The following HLA-F variants were observed in gnomAD, a reference collection of about 807,000 sequenced individuals.
HLA-F encodes the protein major histocompatibility complex, class I, F.
HLA-F carries 46 observed loss-of-function variants against 49.5 expected under a neutral mutation model. The observed-to-expected ratio is 0.93, with a 90% CI of 0.73 to 1.19. HLA-F has a LOEUF of 1.19. HLA-F is among the 50% of genes most tolerant of loss of function. HLA-F has a pLI of 0.00. For synonymous variants in HLA-F, 203 were observed against 233.5 expected, an observed-to-expected ratio of 0.87 and a Z score of 1.19; for missense variants, 496 against 579.6, an observed-to-expected ratio of 0.86 and a Z score of 1.48.
chr6:29,723,565 G>A (rs1021267082), intron 1 of HLA-F, 38 bp downstream of exon 1: 1 of 1,601,466 alleles, frequency 6.2e-7, no homozygotes, highest in Non-Finnish European at 8.5e-7. Context: ...CCTCTGTGGG[G>A]AGGAGTGAGG....
In HLA-F at chr6:29,725,185, G is replaced by A. The variant is rs1300318584; in HGVS notation, c.765G>A (p.Arg255=). 2 of 1,613,994 alleles carry A rather than the reference G, an allele frequency of 1.2e-6. No homozygotes were observed. Among genetic ancestry groups the A allele is most frequent in the Non-Finnish European group, 8.5e-7 (1 of 1,180,044 alleles). The change falls in exon 4 of 7, where the codon AGG becomes AGA. Residue 255 remains arginine (R), a synonymous_variant. Coordinates refer to ENST00000259951, the MANE Select transcript of HLA-F (RefSeq NM_001098479.2). ...QTQDTELVET[R]PAGDGTFQKW... is the part of the protein sequence containing the mutation. ...AGGACACAGAGCTTGTGGAGACCAG[G>A]CCTGCAGGGGATGGAACCTTCCAGA...
chr6:29,723,535 C>T lies in HLA-F; in HGVS notation c.64+8C>T, dbSNP rs775117343. 5 of 1,610,620 alleles carry T rather than the reference C, an allele frequency of 3.1e-6. No homozygotes were observed. The highest frequency in any genetic ancestry group is 3.4e-6 in the Non-Finnish European group (4 of 1,179,180). On this transcript the variant is annotated splice_region_variant and intron_variant, in intron 1 of 6. Transcript: ENST00000259951. ...TGACCGATACTTGGGCGGGTGAGTG[C>T]GGGGTCCAGAGAGAAACGGCCTCTG...
At chr6:29,724,958 G>C (rs1775856457) in intron 3 of HLA-F, 73 bp from the exon 4 acceptor site, 2 of 1,541,420 alleles carry the variant, frequency 1.3e-6, no homozygotes, top group Non-Finnish European at 8.8e-7. Flanking sequence ...TCCATTCTCA[G>C]GTTGGTCACA....
intron 5 of HLA-F, 119 bp downstream of exon 5, chr6:29,725,682 C>T: frequency 1.2e-6 from 1 of 842,162 alleles, no homozygotes; most frequent in Non-Finnish European, 2.0e-6. Flanking sequence ...ATGGGTCTAC[C>T]CAGCCTGGGC....
At chr6:29,729,984 G>A (rs1466852046), downstream of HLA-F, among the ~76,000 whole-genome samples, 1 of 152,110 alleles carries the variant, frequency 6.6e-6, no homozygotes, top group Non-Finnish European at 1.5e-5. Flanking sequence ...GTGGTACAGC[G>A]ACCATGAAAA....
chr6:29,726,439 G>A (rs1562294173), intron 6 of HLA-F: 2 of 1,611,084 alleles, frequency 1.2e-6, no homozygotes, highest in Admixed American at 1.7e-5. Flanking sequence ...TGAGAAGCAA[G>A]ATATCAATGT....
chr6:29,724,485 A>G lies in HLA-F; in HGVS notation c.610+37A>G, dbSNP rs1775778192. The stretch of plus-strand genomic sequence containing the variant: ...CATGGGCGCCTTCCCTATCTCCTGT[A>G]GATCTCTTGGGATGGCCTCGCACAA... On this transcript the variant is annotated intron_variant, in intron 3 of 6. Coordinates refer to ENST00000259951, the MANE Select transcript of HLA-F (RefSeq NM_001098479.2). 3.1e-6 allele frequency: 5 copies of G among 1,603,818 alleles called. No individual in the cohort carries two copies. The African/African-American group carries it at 6.7e-5, about 22-fold the overall frequency.
chr6:29,727,458 T>G (rs1339354786), downstream of HLA-F, among the ~76,000 whole-genome samples: 1 of 152,236 alleles, frequency 6.6e-6, no homozygotes, highest in Non-Finnish European at 1.5e-5. Context: ...TCTTTTAGAA[T>G]GGCATTACCT....
At chr6:29,731,090 G>A (rs1043777454), downstream of HLA-F, among the ~76,000 whole-genome samples, 8 of 151,986 alleles carry the variant, frequency 5.3e-5, no homozygotes, top group African/African-American at 1.7e-4. Context: ...TGCCATTCCC[G>A]CCACTCCCAC....
At chr6:29,724,477 T>A (rs746984668) in intron 3 of HLA-F, 29 bp downstream of exon 3, 20 of 1,609,104 alleles carry the variant, frequency 1.2e-5, no homozygotes, top group African/African-American at 1.2e-4. Context: ...GCCTTCCCTA[T>A]CTCCTGTAGA....
At chr6:29,725,363 A>G in intron 4 of HLA-F, 57 bp downstream of exon 4, 1 of 1,611,556 alleles carries the variant, frequency 6.2e-7, no homozygotes, top group Admixed American at 1.7e-5. Flanking sequence ...TCTCAGGGAA[A>G]GCAGGAGCCC....
rs202160506 is a variant in HLA-F, at chr6:29,723,790, T to C, written c.197T>C (p.Met66Thr). The change falls in exon 2 of 7, where the codon ATG (methionine) becomes ACG (threonine). Residue 66 changes from methionine (M) to threonine (T), a missense_variant. Physicochemically the swap from Met to Thr is moderately conservative, Grantham distance 81. Coordinates refer to ENST00000259951, the MANE Select transcript of HLA-F (RefSeq NM_001098479.2). ...RFDSDAAIPR[M>T]EPREPWVEQE... ...GACAGCGACGCCGCGATTCCGAGGA[T>C]GGAGCCGCGGGAGCCGTGGGTGGAG... 6.2e-7 allele frequency: 1 copy of C among 1,608,170 alleles called. No homozygotes were observed.
chr6:29,733,246 C>T (rs9258201), intron 3 of HLA-F, among the ~76,000 whole-genome samples: 14,378 of 152,060 alleles, frequency 0.095, 895 homozygotes, highest in African/African-American at 0.16. Context: ...ATCAGCACCA[C>T]GCAAAGGACA....
At chr6:29,732,923 C>T (rs1039846753) in intron 3 of HLA-F, among the ~76,000 whole-genome samples, 9 of 152,138 alleles carry the variant, frequency 5.9e-5, no homozygotes, top group Non-Finnish European at 1.2e-4. Flanking sequence ...CGCCTTGGCT[C>T]ATTCCTGTAA....
At position 29,723,752 on chromosome 6, in the gene HLA-F, A is replaced by G. The variant is rs201075212; in HGVS notation, c.159A>G (p.Gln53=). 2 of 1,611,966 alleles carry G rather than the reference A, an allele frequency of 1.2e-6. No homozygotes were observed. The highest frequency in any genetic ancestry group is 1.7e-5 in the Admixed American group (1 of 59,920). ...YIAVEYVDDT[Q]FLRFDSDAAI... ...CCGTGGAGTACGTAGACGACACGCA[A>G]TTCCTGCGGTTCGACAGCGACGCCG... is the stretch of plus-strand genomic sequence containing the variant. The change falls in exon 2 of 7, where the codon CAA becomes CAG. Residue 53 remains glutamine, a synonymous_variant. Transcript: ENST00000259951.
rs779975618 is a variant in HLA-F at position 29,723,706 on chromosome 6, G to T, written c.113G>T (p.Arg38Leu). The change falls in exon 2 of 7, where the codon CGC (arginine) becomes CTC (leucine). Residue 38 changes from arginine (R) to leucine (L), a missense_variant. Arg to Leu is a moderately radical substitution (Grantham distance 102, BLOSUM62 -2). Transcript: ENST00000259951. The part of the protein sequence containing the change: ...YFSTAVSRPG[R>L]GEPRYIAVEY... ...AGCACCGCTGTGTCGCGGCCCGGCC[G>T]CGGGGAGCCCCGCTACATCGCCGTG... 1 of 1,611,560 alleles carries T rather than the reference G, an allele frequency of 6.2e-7. No individual in the cohort carries two copies. The highest frequency in any genetic ancestry group is 1.3e-5 in the African/African-American group (1 of 74,932).
At chr6:29,732,937 C>A (rs951234652) in intron 3 of HLA-F, among the ~76,000 whole-genome samples, 1 of 152,076 alleles carries the variant, frequency 6.6e-6, no homozygotes, top group African/African-American at 2.4e-5. Flanking sequence ...CCTGTAATCC[C>A]AGCACTTTGA....
intron 3 of HLA-F, among the ~76,000 whole-genome samples, chr6:29,737,593 T>C (rs1395304604): frequency 1.3e-5 from 2 of 152,196 alleles, no homozygotes; most frequent in African/African-American, 4.8e-5. Context: ...CTCTCTCTGA[T>C]GGTTAAAGGG....
At chr6:29,727,532 C>A (rs1254999606), downstream of HLA-F, among the ~76,000 whole-genome samples, 1 of 152,066 alleles carries the variant, frequency 6.6e-6, no homozygotes, top group African/African-American at 2.4e-5. Flanking sequence ...ATATTATTTC[C>A]CCTGATGCCT....
Sources: allele counts gnomAD v4.1 joint callset (sites outside exome capture counted in the v4.1 genomes callset), GRCh38; gene constraint gnomAD v4.1.1; transcripts MANE v1.5; gene names NCBI Gene and HGNC (gene_info 2026-07-23, HGNC 2026-07-21).